Variants in SHANK2 observed in about 807,000 individuals in gnomAD.
The protein encoded by SHANK2 is SH3 and multiple ankyrin repeat domains protein 2.
In SHANK2, 43 loss-of-function variants were observed where a neutral mutation model predicts 133.7. That is an observed-to-expected ratio of 0.32 (90% CI 0.25 to 0.41). The LOEUF (loss-of-function observed/expected upper bound fraction) is 0.41, where lower values mean the gene tolerates loss of function less well. Among genes scored for constraint, SHANK2 ranks in the 10% least tolerant of loss-of-function variants. The pLI, the probability that SHANK2 is intolerant of heterozygous loss-of-function variation, is 1.00. For synonymous variants in SHANK2, 1,017 were observed against 952.8 expected (o/e 1.07, Z -1.24); for missense variants, 1,994 against 2,235.8 (o/e 0.89, Z 2.18).
At chr11:71,172,311 T>C (rs572473651) in intron 2 of SHANK2, among the ~76,000 whole-genome samples, 7 of 152,204 alleles carry the variant, frequency 4.6e-5, no homozygotes, top group Non-Finnish European at 1.0e-4. Flanking sequence ...TGTTACTTTA[T>C]TTACTTAAAA....
At chr11:71,097,698 A>G (rs1951643367) in intron 6 of SHANK2, among the ~76,000 whole-genome samples, 1 of 151,910 alleles carries the variant, frequency 6.6e-6, no homozygotes, top group African/African-American at 2.4e-5. Flanking sequence ...GCAGGAGGGC[A>G]CTAGCCACGG....
chr11:70,733,606 A>G (rs1429552894), intron 14 of SHANK2, among the ~76,000 whole-genome samples: 1 of 152,236 alleles, frequency 6.6e-6, no homozygotes, highest in African/African-American at 2.4e-5. Context: ...CAGAGCTGAG[A>G]GGCTGCCACA....
chr11:70,542,207 G>C lies in SHANK2; in HGVS notation c.2062-39276C>G, dbSNP rs75275591. Among the ~76,000 whole-genome samples the C allele has an allele frequency of 4.2e-3, 641 of 152,346 alleles. 6 individuals are homozygous for C. The highest frequency in any genetic ancestry group is 6.5e-3 in the Non-Finnish European group (439 of 68,042). The stretch of plus-strand genomic sequence containing the variant: ...GCCAATGTGACCTTATTTGGAAACA[G>C]CCTCTTTGTAGATATAATTAAGTTA... On this transcript the variant is annotated intron_variant, in intron 17 of 25. Transcript: ENST00000601538.
chr11:70,845,915 G>C (rs1214751617), intron 11 of SHANK2, among the ~76,000 whole-genome samples: 1 of 152,168 alleles, frequency 6.6e-6, no homozygotes, highest in Non-Finnish European at 1.5e-5. Flanking sequence ...GCAACGCACT[G>C]GGGGCAGGAA....
rs930276748 is a variant in SHANK2 at position 70,880,567 on chromosome 11, C to T, written c.1174+15934G>A. ...AAGTCACCTGGAAGCGGGCATGCCC[C>T]CTCTGTGAGGCCAGGGGCATGTGCC... On this transcript the variant is annotated intron_variant, in intron 11 of 25. Coordinates refer to ENST00000601538, the MANE Select transcript of SHANK2 (RefSeq NM_012309.5). Among the ~76,000 whole-genome samples, 7 of 152,210 alleles carry T rather than the reference C, an allele frequency of 4.6e-5. No homozygotes were observed. In the South Asian group the frequency reaches 1.4e-3, roughly 32 times the overall value.
Position 71,175,551 on chromosome 11 carries a change from GGAGA to G in SHANK2, c.-12-28217_-12-28214del, listed in dbSNP as rs555218781. Reference sequence around the variant, plus strand: ...CAGACAGACAGAGGGAGAGGGAGAGGGAGAGAGAGAGAGAGAGAGAGAGAGAGAG... The same window carrying G: ...CAGACAGACAGAGGGAGAGGGAGAGGGAGAGAGAGAGAGAGAGAGAGAGAG... On this transcript the variant is annotated intron_variant, in intron 2 of 25. Coordinates refer to ENST00000601538, the MANE Select transcript of SHANK2 (RefSeq NM_012309.5). The surrounding 1 kb of genome is among the most constrained non-coding windows in gnomAD (Gnocchi z 4.2). 7.8e-3 allele frequency among the ~76,000 whole-genome samples: 318 copies of G among 40,598 alleles called. 2 individuals are homozygous for G. The highest frequency in any genetic ancestry group is 0.024 in the African/African-American group (290 of 12,178). 26.6% of individuals were successfully genotyped at this position (40,598 alleles called of 152,430 possible).
intron 6 of SHANK2, among the ~76,000 whole-genome samples, chr11:71,095,147 G>A (rs1199045241): frequency 6.6e-6 from 1 of 152,248 alleles, no homozygotes; most frequent in Non-Finnish European, 1.5e-5. Flanking sequence ...GGGCTGCAGG[G>A]ACACAAACAC....
intron 17 of SHANK2, among the ~76,000 whole-genome samples, chr11:70,503,461 C>G (rs1555159331): frequency 2.0e-5 from 3 of 152,354 alleles, no homozygotes; most frequent in African/African-American, 7.2e-5. Context: ...CCTCCCTGCT[C>G]TCCCGCTCCA....
At chr11:71,107,209 T>A (rs1951815219) in intron 6 of SHANK2, among the ~76,000 whole-genome samples, 1 of 152,150 alleles carries the variant, frequency 6.6e-6, no homozygotes, top group African/African-American at 2.4e-5. Context: ...GGTCACCATC[T>A]CCCTGGGTGA....
intron 1 of SHANK2, among the ~76,000 whole-genome samples, chr11:71,241,828 G>A (rs1555124463): frequency 6.6e-6 from 1 of 152,208 alleles, no homozygotes; most frequent in African/African-American, 2.4e-5. Context: ...AGGCTGGAGC[G>A]AGTGGGTAAA....
At position 71,093,752 on chromosome 11, in the gene SHANK2, T is replaced by C. The variant is rs150073705; in HGVS notation, c.744+785A>G. Among the ~76,000 whole-genome samples the C allele has an allele frequency of 2.2e-4, 33 of 152,254 alleles. No individual in the cohort carries two copies. The East Asian group carries it at 6.4e-3, about 29-fold the overall frequency. On this transcript the variant is annotated intron_variant, in intron 7 of 25. Coordinates refer to ENST00000601538, the MANE Select transcript of SHANK2 (RefSeq NM_012309.5). ...CTTATAAATTACTCCGATCTCACAT[T>C]TCTTTATTGCAACGCAGGAACAGAC...
chr11:70,563,887 A>T (rs2059937597), intron 17 of SHANK2, among the ~76,000 whole-genome samples: 1 of 152,202 alleles, frequency 6.6e-6, no homozygotes, highest in Admixed American at 6.5e-5. Flanking sequence ...TGTTGAAATA[A>T]TTCTGTTTGA....
At chr11:71,134,495 A>T (rs1952399642) in intron 3 of SHANK2, among the ~76,000 whole-genome samples, 1 of 147,228 alleles carries the variant, frequency 6.8e-6, no homozygotes. Context: ...GCTGGAGTAC[A>T]GTGGCACGAT....
At chr11:70,701,858 GATC>G (rs1555023761) in intron 14 of SHANK2, among the ~76,000 whole-genome samples, 1 of 151,974 alleles carries the variant, frequency 6.6e-6, no homozygotes, top group African/African-American at 2.4e-5. Flanking sequence ...TAAGGGACAA[GATC>G]ATTATCACCA....
chr11:70,639,749 G>A (rs1014196857), intron 17 of SHANK2, among the ~76,000 whole-genome samples: 5 of 152,186 alleles, frequency 3.3e-5, no homozygotes, highest in African/African-American at 9.7e-5. Context: ...CCAGGGACAT[G>A]AAGGTGCCCT....
intron 15 of SHANK2, among the ~76,000 whole-genome samples, chr11:70,685,519 C>T (rs1407922088): frequency 6.6e-6 from 1 of 152,144 alleles, no homozygotes; most frequent in Non-Finnish European, 1.5e-5. Flanking sequence ...CCTGGGAGTG[C>T]AGCCTCTAGT....
In SHANK2 at chr11:71,175,230, C is replaced by A; in HGVS notation, c.-12-27892G>T. ...CACCTAGTCCAACTCAGCACAAGTA[C>A]GAAGAACCAATAAATGAGCAGTGGC... On this transcript the variant is annotated intron_variant, in intron 2 of 25. Transcript: ENST00000601538. The surrounding 1 kb of genome is among the most constrained non-coding windows in gnomAD (Gnocchi z 4.2). Among the ~76,000 whole-genome samples, 1 of 152,244 alleles carries A rather than the reference C, an allele frequency of 6.6e-6. No homozygotes were observed. The highest frequency in any genetic ancestry group is 1.9e-4 in the East Asian group (1 of 5,174).
intron 1 of SHANK2, among the ~76,000 whole-genome samples, chr11:71,243,595 T>C (rs1347244914): frequency 1.3e-5 from 2 of 152,126 alleles, no homozygotes; most frequent in East Asian, 3.9e-4. Context: ...CTCGGGAGGC[T>C]GAGTCAAGAG....
intron 17 of SHANK2, among the ~76,000 whole-genome samples, chr11:70,574,200 T>C (rs547376008): frequency 1.3e-4 from 20 of 152,352 alleles, no homozygotes; most frequent in African/African-American, 4.8e-4. Flanking sequence ...ACCCTGCTGA[T>C]CAATCTCCAG....
Sources: gnomAD v4.1 joint callset for allele counts (sites outside exome capture counted in the v4.1 genomes callset) on GRCh38, gnomAD v4.1.1 for gene constraint, Gnocchi (gnomAD v3.1) non-coding constraint, MANE v1.5 for transcripts, NCBI Gene and HGNC (gene_info 2026-07-23, HGNC 2026-07-21) for gene names.